Variants in PHLDB2 observed in about 807,000 individuals in gnomAD.
PHLDB2 encodes pleckstrin homology like domain family B member 2.
A neutral mutation model predicts 123.6 loss-of-function variants in PHLDB2; 71 were observed. That is an observed-to-expected ratio of 0.57 (90% confidence interval 0.47 to 0.70). The LOEUF (loss-of-function observed/expected upper bound fraction) is 0.70. Ranked by LOEUF, PHLDB2 falls within the 30% of genes least tolerant of loss-of-function variation. PHLDB2 has a pLI of 0.00. For synonymous variants in PHLDB2, 547 were observed against 541.6 expected, an observed-to-expected ratio of 1.01 and a Z score of -0.14; for missense variants, 1,446 against 1,519.5, an observed-to-expected ratio of 0.95 and a Z score of 0.80.
chr3:111,964,823 A>G (rs909770168), intron 13 of PHLDB2, among the ~76,000 whole-genome samples: 1 of 152,154 alleles, frequency 6.6e-6, no homozygotes, highest in Admixed American at 6.6e-5. Context: ...AACATTGACT[A>G]TATGAAAAAA....
At position 111,780,391 on chromosome 3, in the gene PHLDB2, GAAGAA is replaced by G. The variant is rs2060402382; in HGVS notation, c.-49+47689_-49+47693del. On this transcript the variant is annotated intron_variant, in intron 1 of 17. Coordinates refer to the PHLDB2 transcript ENST00000393923. ...AGAAGAAGAAGAAGAAGAAGAAGAA[GAAGAA>G]GAAGAAGAAGAAGAAAAAGATTAGT... Among the ~76,000 whole-genome samples, 2 of 49,932 alleles carry G rather than the reference GAAGAA, an allele frequency of 4.0e-5. 1 individual carries two copies. The highest frequency in any genetic ancestry group is 8.6e-5 in the African/African-American group (2 of 23,164). The allele number at this position is 49,932 out of a possible 152,430, so 32.8% of individuals were successfully genotyped here.
intron 2 of PHLDB2, among the ~76,000 whole-genome samples, chr3:111,893,384 AT>A (rs2066618024): frequency 6.6e-6 from 1 of 152,140 alleles, no homozygotes; most frequent in African/African-American, 2.4e-5. Flanking sequence ...TATTAAAAAA[AT>A]GGCTGCACTA....
chr3:111,973,199 A>G (rs1015348620), intron 16 of PHLDB2, among the ~76,000 whole-genome samples: 8 of 151,892 alleles, frequency 5.3e-5, no homozygotes, highest in Admixed American at 1.3e-4. Context: ...GTTGCATTGA[A>G]AGGACAATAA....
intron 1 of PHLDB2, among the ~76,000 whole-genome samples, chr3:111,861,570 A>T (rs895765671): frequency 1.3e-5 from 2 of 152,166 alleles, no homozygotes; most frequent in Admixed American, 1.3e-4. Context: ...TGCAGGCCTC[A>T]ATCTGTTTTA....
intron 4 of PHLDB2, 152 bp from the exon 5 acceptor site, chr3:111,920,130 C>T: frequency 1.5e-6 from 1 of 688,658 alleles, no homozygotes; most frequent in Non-Finnish European, 2.2e-6. Context: ...CTTGCTTTCA[C>T]ATGGGCTCTC....
chr3:111,839,219 G>C (rs977692093), intron 1 of PHLDB2, among the ~76,000 whole-genome samples: 5 of 152,100 alleles, frequency 3.3e-5, no homozygotes, highest in African/African-American at 1.2e-4. Context: ...AAAAACATTA[G>C]AGTCAGAAAA....
At chr3:111,851,735 G>C (rs1006200464) in intron 2 of PHLDB2, among the ~76,000 whole-genome samples, 4 of 152,082 alleles carry the variant, frequency 2.6e-5, no homozygotes, top group African/African-American at 9.7e-5. Flanking sequence ...TTTAGAGTAA[G>C]GAAATGACAT....
At chr3:111,847,250 A>C (rs2064035553) in intron 2 of PHLDB2, among the ~76,000 whole-genome samples, 1 of 152,204 alleles carries the variant, frequency 6.6e-6, no homozygotes. Flanking sequence ...TTCGGTAAAG[A>C]CCAATTTATG....
chr3:111,945,836 T>C (rs2107616403), intron 9 of PHLDB2, among the ~76,000 whole-genome samples: 1 of 152,126 alleles, frequency 6.6e-6, no homozygotes. Context: ...GCAACTGTTG[T>C]TTCTGCCATT....
At chr3:111,808,843 T>C (rs1156338432) in intron 1 of PHLDB2, among the ~76,000 whole-genome samples, 1 of 152,218 alleles carries the variant, frequency 6.6e-6, no homozygotes, top group African/African-American at 2.4e-5. Context: ...TCACTGGTTG[T>C]AATTCTCATA....
intron 1 of PHLDB2, among the ~76,000 whole-genome samples, chr3:111,770,223 G>C (rs1456650763): frequency 6.6e-6 from 1 of 152,140 alleles, no homozygotes; most frequent in East Asian, 1.9e-4. Context: ...ATTTTTTCCA[G>C]ATACCAGGCT....
At chr3:111,870,734 T>C (rs758717829) in intron 1 of PHLDB2, among the ~76,000 whole-genome samples, 13 of 152,208 alleles carry the variant, frequency 8.5e-5, no homozygotes, top group Non-Finnish European at 1.9e-4. Context: ...AGAATGGCAC[T>C]GCTTCTGAAG....
Position 111,974,523 on chromosome 3 carries a change from T to C in PHLDB2, c.3722T>C (p.Ile1241Thr), listed in dbSNP as rs145815701. Residue 1241 changes from isoleucine (I) to threonine (T), a missense_variant, in exon 18 of 18, where the codon ATA becomes ACA. Physicochemically the swap from Ile to Thr is moderately conservative, Grantham distance 89 (BLOSUM62 -1). Coordinates refer to ENST00000431670, the MANE Select transcript of PHLDB2 (RefSeq NM_001134438.2). ...GCCATGCGGATCTGGATGGATGTTA[T>C]AGTTACGGGGGCAGAAGGTTACACT... ...PEAMRIWMDV[I>T]VTGAEGYTHF... 25 of 1,613,648 alleles carry C rather than the reference T, an allele frequency of 1.5e-5. No individual in the cohort carries two copies. Among genetic ancestry groups the C allele is most frequent in the Non-Finnish European group, 1.9e-5 (23 of 1,179,744 alleles).
chr3:111,758,130 A>C (rs924671545), intron 1 of PHLDB2, among the ~76,000 whole-genome samples: 2 of 152,030 alleles, frequency 1.3e-5, no homozygotes, highest in East Asian at 3.9e-4. Context: ...TGCTCTCTTC[A>C]AAGCTGTCAG....
At chr3:111,778,823 CAACAGA>C (rs2060314652) in intron 1 of PHLDB2, among the ~76,000 whole-genome samples, 2 of 152,182 alleles carry the variant, frequency 1.3e-5, no homozygotes, top group Admixed American at 6.5e-5. Context: ...GGATATACAT[CAACAGA>C]AACTGAAACT....
chr3:111,828,237 T>C (rs1016120121), intron 1 of PHLDB2, among the ~76,000 whole-genome samples: 23 of 152,204 alleles, frequency 1.5e-4, no homozygotes, highest in Non-Finnish European at 2.9e-4. Context: ...AAGAGAGTTA[T>C]AGCAACTGAA....
At chr3:111,860,756 C>T (rs1253619941) in intron 1 of PHLDB2, among the ~76,000 whole-genome samples, 4 of 152,204 alleles carry the variant, frequency 2.6e-5, no homozygotes, top group African/African-American at 7.2e-5. Context: ...CTGCCCTCTT[C>T]CCTAGAAATC....
intron 1 of PHLDB2, among the ~76,000 whole-genome samples, chr3:111,825,232 A>C (rs2062599174): frequency 6.6e-6 from 1 of 152,226 alleles, no homozygotes; most frequent in South Asian, 2.1e-4. Flanking sequence ...TGACTTTGAC[A>C]AGCTGGATCC....
intron 1 of PHLDB2, among the ~76,000 whole-genome samples, chr3:111,830,955 GAGAAAGAAAGAAAGAAAGAAAGAA>G (rs1174297730): frequency 1.3e-4 from 8 of 63,678 alleles, no homozygotes; most frequent in African/African-American, 5.2e-4. Context: ...AAGAAAGAAA[GAGAAAGAAAGAAAGAAAGAAAGAA>G]AGAAAGAAAG....
Sources: allele counts gnomAD v4.1 joint callset (sites outside exome capture counted in the v4.1 genomes callset), GRCh38; gene constraint gnomAD v4.1.1; transcripts MANE v1.5; gene names NCBI Gene and HGNC (gene_info 2026-07-23, HGNC 2026-07-21).